The following CTNNA3 variants were observed in gnomAD, a reference collection of about 807,000 sequenced individuals.
The protein encoded by CTNNA3 is catenin alpha 3.
Under a neutral mutation model 95.7 loss-of-function variants are expected in CTNNA3, and 76 were observed. The observed-to-expected ratio is 0.79, with a 90% confidence interval of 0.66 to 0.96. The LOEUF is 0.96. Ranked by LOEUF, CTNNA3 falls within the 40% of genes least tolerant of loss-of-function variation. The pLI, the probability that CTNNA3 is intolerant of heterozygous loss-of-function variation, is 0.00. For synonymous variants in CTNNA3, 431 were observed against 374.4 expected (o/e 1.15, Z -1.74); for missense variants, 1,191 against 1,089.8 (o/e 1.09, Z -1.31).
intron 6 of CTNNA3, among the ~76,000 whole-genome samples, chr10:67,207,970 G>A (rs1020432478): frequency 6.6e-6 from 1 of 152,090 alleles, no homozygotes; most frequent in Non-Finnish European, 1.5e-5. Context: ...AAACATTTGA[G>A]AAACATCAAC....
At chr10:66,684,924 T>G (rs1031125292) in intron 9 of CTNNA3, among the ~76,000 whole-genome samples, 2 of 151,892 alleles carry the variant, frequency 1.3e-5, no homozygotes, top group Non-Finnish European at 2.9e-5. Flanking sequence ...AATTATCTTA[T>G]TGTCTTTGTT....
At chr10:67,369,352 C>T (rs1843331772) in intron 5 of CTNNA3, among the ~76,000 whole-genome samples, 1 of 151,998 alleles carries the variant, frequency 6.6e-6, no homozygotes, top group Non-Finnish European at 1.5e-5. Flanking sequence ...GAATCCATAC[C>T]TCACATTATA....
At chr10:66,189,996 G>A (rs1201747542) in intron 13 of CTNNA3, among the ~76,000 whole-genome samples, 3 of 151,880 alleles carry the variant, frequency 2.0e-5, no homozygotes, top group Non-Finnish European at 4.4e-5. Flanking sequence ...AGAGAAAAAG[G>A]AAAATAATTT....
chr10:66,001,042 G>C (rs2078760031), intron 15 of CTNNA3, among the ~76,000 whole-genome samples: 1 of 152,116 alleles, frequency 6.6e-6, no homozygotes, highest in South Asian at 2.1e-4. Context: ...ATAGGTGATG[G>C]GTAGTTGGGA....
intron 14 of CTNNA3, among the ~76,000 whole-genome samples, chr10:66,084,400 A>G (rs1034916109): frequency 6.6e-6 from 1 of 152,100 alleles, no homozygotes; most frequent in African/African-American, 2.4e-5. Context: ...ACTAAAAAAA[A>G]AGAGAATGGG....
intron 5 of CTNNA3, among the ~76,000 whole-genome samples, chr10:67,321,990 T>C (rs942745895): frequency 2.0e-5 from 3 of 152,142 alleles, no homozygotes; most frequent in Non-Finnish European, 4.4e-5. Flanking sequence ...AGGCCTAGTG[T>C]GTGCGCCACA....
At position 66,248,139 on chromosome 10, in the gene CTNNA3, ATTTG is replaced by A. The variant is rs1268101485; in HGVS notation, c.1884+32327_1884+32330del. On this transcript the variant is annotated intron_variant, in intron 13 of 17. Transcript: ENST00000433211. ...TAGCATTTCTATTAGTTTTTTTCTCATTTGTTTGTTTATGCCATCAACTTTAAGT... is the reference window on the plus strand; with the variant it reads ...TAGCATTTCTATTAGTTTTTTTCTCATTTGTTTATGCCATCAACTTTAAGT... Among the ~76,000 whole-genome samples the A allele has an allele frequency of 3.3e-5, 5 of 152,216 alleles. No homozygotes were observed. The East Asian group carries it at 5.8e-4, about 18-fold the overall frequency.
intron 3 of CTNNA3, among the ~76,000 whole-genome samples, chr10:67,596,248 T>C (rs1171539174): frequency 6.6e-6 from 1 of 152,200 alleles, no homozygotes; most frequent in East Asian, 1.9e-4. Flanking sequence ...TTAAGTGTTT[T>C]GTGGTGGCTG....
intron 13 of CTNNA3, among the ~76,000 whole-genome samples, chr10:66,225,744 A>AT (rs1022782510): frequency 1.1e-4 from 16 of 150,896 alleles, no homozygotes; most frequent in South Asian, 2.1e-4. Flanking sequence ...AACATTTCTG[A>AT]TTTTTTTTTA....
At chr10:66,760,911 C>A (rs1839574810) in intron 9 of CTNNA3, among the ~76,000 whole-genome samples, 1 of 152,060 alleles carries the variant, frequency 6.6e-6, no homozygotes, top group African/African-American at 2.4e-5. Flanking sequence ...GGAGAGCTGC[C>A]AAGATGCTCA....
At chr10:67,167,854 C>T (rs1436985437) in intron 7 of CTNNA3, among the ~76,000 whole-genome samples, 3 of 152,096 alleles carry the variant, frequency 2.0e-5, no homozygotes, top group South Asian at 2.1e-4. Context: ...GGTTATCGGC[C>T]GAGTATAGTG....
rs1038069528 is a variant in CTNNA3, at chr10:67,260,030, C to T, written c.580-40160G>A. Among the ~76,000 whole-genome samples, 3 of 152,174 alleles carry T rather than the reference C, an allele frequency of 2.0e-5. No homozygotes were observed. In the East Asian group the frequency reaches 5.8e-4, roughly 29 times the overall value. On this transcript the variant is annotated intron_variant, in intron 5 of 17. Transcript: ENST00000433211. Reference sequence around the variant, plus strand: ...TTCTTCAGCAGTCCTTTACTAGATGCCAGTACCCTAAAGAATAAACTAATC... The same window carrying T: ...TTCTTCAGCAGTCCTTTACTAGATGTCAGTACCCTAAAGAATAAACTAATC...
At chr10:66,310,150 A>G (rs1312467888) in intron 12 of CTNNA3, among the ~76,000 whole-genome samples, 14 of 151,598 alleles carry the variant, frequency 9.2e-5, no homozygotes, top group Admixed American at 2.6e-4. Context: ...AAAAAATAAT[A>G]TTCTCAATGG....
At chr10:66,171,523 G>T (rs565433013) in intron 13 of CTNNA3, among the ~76,000 whole-genome samples, 60 of 151,050 alleles carry the variant, frequency 4.0e-4, no homozygotes, top group African/African-American at 1.4e-3. Context: ...TCCAGCCTGG[G>T]TGATAGAGCA....
chr10:66,966,241 T>C (rs1849403613), intron 7 of CTNNA3, among the ~76,000 whole-genome samples: 1 of 152,170 alleles, frequency 6.6e-6, no homozygotes, highest in African/African-American at 2.4e-5. Flanking sequence ...GGTCAGAATT[T>C]AGGAAAAATA....
intron 7 of CTNNA3, among the ~76,000 whole-genome samples, chr10:66,999,681 T>A (rs1287831681): frequency 6.6e-6 from 1 of 152,130 alleles, no homozygotes; most frequent in Non-Finnish European, 1.5e-5. Context: ...TTAACTTAGA[T>A]AGAAAGTAGA....
At chr10:66,558,690 T>C (rs1007991688) in intron 10 of CTNNA3, among the ~76,000 whole-genome samples, 3 of 152,118 alleles carry the variant, frequency 2.0e-5, no homozygotes, top group African/African-American at 7.2e-5. Context: ...GATAGATAAA[T>C]ATTTTAAATA....
chr10:67,585,483 G>A (rs989673879), intron 3 of CTNNA3, among the ~76,000 whole-genome samples: 1 of 151,986 alleles, frequency 6.6e-6, no homozygotes, highest in African/African-American at 2.4e-5. Flanking sequence ...TTTTGGGGGA[G>A]TTTTTTTATT....
At chr10:66,089,691 T>A (rs1033342751) in intron 14 of CTNNA3, among the ~76,000 whole-genome samples, 1 of 151,846 alleles carries the variant, frequency 6.6e-6, no homozygotes, top group Non-Finnish European at 1.5e-5. Context: ...ATATGCATTA[T>A]TTCTAATTAT....
Sources: gnomAD v4.1 joint callset for allele counts (sites outside exome capture counted in the v4.1 genomes callset) on GRCh38, gnomAD v4.1.1 for gene constraint, MANE v1.5 for transcripts, NCBI Gene and HGNC (gene_info 2026-07-23, HGNC 2026-07-21) for gene names.